The following ARSF variants were observed in gnomAD, a reference collection of about 807,000 sequenced individuals.
ARSF encodes the protein arylsulfatase F.
Under a neutral mutation model 35.4 loss-of-function variants are expected in ARSF, and 33 were observed. The ratio of observed to expected loss-of-function variants is 0.93; its 90% CI spans 0.71 to 1.25. The LOEUF (loss-of-function observed/expected upper bound fraction) is 1.25. Ranked by LOEUF, ARSF falls within the 50% of genes most tolerant of loss-of-function variation. The probability of loss-of-function intolerance (pLI) is 0.00; values close to 1 mark genes in which losing one functional copy is unlikely to be tolerated. For synonymous variants in ARSF, 222 were observed against 193.1 expected, an observed-to-expected ratio of 1.15 and a Z score of -1.24; for missense variants, 501 against 480.2, an observed-to-expected ratio of 1.04 and a Z score of -0.40.
chrX:3,090,441 G>A (rs1452683144), intron 7 of ARSF, among the ~76,000 whole-genome samples: 2 of 111,977 alleles, frequency 1.8e-5, no homozygotes, highest in African/African-American at 6.5e-5. Flanking sequence ...GGCTGAGGCA[G>A]GAGGATCACT....
chrX:3,074,810 G>T (rs1241996175), intron 3 of ARSF, among the ~76,000 whole-genome samples: 2 of 110,762 alleles, frequency 1.8e-5, no homozygotes, highest in Non-Finnish European at 3.8e-5. Flanking sequence ...ATTTATTCAC[G>T]TTTGGCTCCG....
intron 1 of ARSF, among the ~76,000 whole-genome samples, chrX:3,051,957 C>T (rs1448885590): frequency 1.8e-5 from 2 of 110,782 alleles, no homozygotes; most frequent in Non-Finnish European, 3.8e-5. Context: ...TATACCACTG[C>T]ACTCCAGCCT....
At chrX:3,106,567 G>A (rs2090412593) in intron 9 of ARSF, among the ~76,000 whole-genome samples, 1 of 111,754 alleles carries the variant, frequency 8.9e-6, no homozygotes, top group Non-Finnish European at 1.9e-5. Context: ...GAACTCAAAA[G>A]CGGCTCTCAC....
In ARSF at chrX:3,106,103, G is replaced by T. The variant is rs1473245601; in HGVS notation, c.1265+2179G>T. 4.5e-5 allele frequency among the ~76,000 whole-genome samples: 5 copies of T among 112,092 alleles called. No homozygotes were observed. The Admixed American group carries it at 4.7e-4, about 11-fold the overall frequency. On this transcript the variant is annotated intron_variant, in intron 9 of 10. Coordinates refer to ENST00000381127, the MANE Select transcript of ARSF (RefSeq NM_001201539.2). ...TCAGGGGTTTAGGGTTATGAGTTTG[G>T]TGTCCTTGATAAGATGTATAGTACA...
chrX:3,094,018 A>T (rs2090322032), intron 7 of ARSF, among the ~76,000 whole-genome samples: 1 of 111,586 alleles, frequency 9.0e-6, no homozygotes, highest in East Asian at 2.8e-4. Flanking sequence ...AATGACAAAG[A>T]CCTCAATTAC....
At chrX:3,072,261 C>A in intron 3 of ARSF, 86 bp downstream of exon 3, 3 of 986,007 alleles carry the variant, frequency 3.0e-6, no homozygotes, top group African/African-American at 3.9e-5. Flanking sequence ...TGTGCAAAAC[C>A]AAATGTATTT....
At chrX:3,041,299 CT>C (rs35885735), upstream of ARSF, among the ~76,000 whole-genome samples, 26 of 87,403 alleles carry the variant, frequency 3.0e-4, no homozygotes, top group Admixed American at 7.1e-4. Context: ...TTTTCTTTTT[CT>C]TTTTTTTTTT....
chrX:3,049,595 G>A (rs1453761114), intron 1 of ARSF, among the ~76,000 whole-genome samples: 3 of 111,677 alleles, frequency 2.7e-5, no homozygotes, highest in African/African-American at 9.8e-5. Context: ...TTATGAAAGA[G>A]GTATGTAGCT....
At chrX:3,108,898 C>T (rs191248887) in intron 9 of ARSF, among the ~76,000 whole-genome samples, 1 of 110,807 alleles carries the variant, frequency 9.0e-6, no homozygotes, top group Admixed American at 9.6e-5. Context: ...CGCCTGTAAT[C>T]GCAGCTACTC....
At chrX:3,045,030 T>C (rs1429709055) in intron 1 of ARSF, among the ~76,000 whole-genome samples, 1 of 111,320 alleles carries the variant, frequency 9.0e-6, no homozygotes, top group Non-Finnish European at 1.9e-5. Context: ...GTATTTTTGG[T>C]GAGGTTTATA....
chrX:3,056,256 G>A (rs1285054249), intron 1 of ARSF, among the ~76,000 whole-genome samples: 2 of 109,387 alleles, frequency 1.8e-5, no homozygotes, highest in Non-Finnish European at 3.8e-5. Flanking sequence ...CCACTGCGCC[G>A]GGTCGCACCA....
chrX:3,083,628 T>C (rs113128238), intron 5 of ARSF, among the ~76,000 whole-genome samples: 17 of 111,405 alleles, frequency 1.5e-4, no homozygotes, highest in African/African-American at 5.5e-4. Context: ...CTTTCTATCA[T>C]CTCTATTTAT....
intron 7 of ARSF, among the ~76,000 whole-genome samples, chrX:3,093,717 T>G (rs1402080996): frequency 8.9e-6 from 1 of 111,819 alleles, no homozygotes; most frequent in East Asian, 2.8e-4. Context: ...CTGTGTCTAT[T>G]TGGTAGAATG....
chrX:3,074,869 G>A (rs112626241), intron 3 of ARSF, among the ~76,000 whole-genome samples: 3 of 110,516 alleles, frequency 2.7e-5, no homozygotes, highest in Non-Finnish European at 5.7e-5. Context: ...TCACCCCAGC[G>A]CCTGATACCC....
chrX:3,108,228 T>C (rs2146836393), intron 9 of ARSF, among the ~76,000 whole-genome samples: 1 of 112,256 alleles, frequency 8.9e-6, no homozygotes, highest in African/African-American at 3.2e-5. Flanking sequence ...CTGGGAGTTA[T>C]GTAGTGAGTC....
At chrX:3,071,072 A>G (rs1442307560) in intron 2 of ARSF, among the ~76,000 whole-genome samples, 1 of 110,622 alleles carries the variant, frequency 9.0e-6, no homozygotes, top group East Asian at 2.8e-4. Context: ...ATAGATATCA[A>G]GAGTGTCTCG....
At chrX:3,047,230 G>A (rs1046309780) in intron 1 of ARSF, among the ~76,000 whole-genome samples, 1 of 109,665 alleles carries the variant, frequency 9.1e-6, no homozygotes, top group Non-Finnish European at 1.9e-5. Flanking sequence ...CCAGACTGGA[G>A]TGCAGTGGCA....
chrX:3,050,043 G>A (rs1309357936), intron 1 of ARSF, among the ~76,000 whole-genome samples: 6 of 109,695 alleles, frequency 5.5e-5, no homozygotes, highest in Non-Finnish European at 9.5e-5. Context: ...TGTATTTTTA[G>A]TAGAGACGAA....
chrX:3,084,443 C>T lies in ARSF; in HGVS notation c.607C>T (p.Leu203=). The T allele has an allele frequency of 8.3e-7, 1 of 1,211,748 alleles. No homozygotes were observed. Among genetic ancestry groups the T allele is most frequent in the East Asian group, 3.0e-5 (1 of 33,831 alleles). Residue 203 remains leucine, a synonymous_variant, in exon 6 of 11, where the codon CTA becomes TTA. Transcript: ENST00000381127. ...GCTAGTTGCCATTGCCATCCTCACC[C>T]TAACCTTTGGGAAGCTGAGCGGCTG... ...VQLVAIAILT[L]TFGKLSGWVS... is the part of the protein sequence containing the mutation.
Sources: gnomAD v4.1 joint callset for allele counts (sites outside exome capture counted in the v4.1 genomes callset) on GRCh38, gnomAD v4.1.1 for gene constraint, MANE v1.5 for transcripts, NCBI Gene and HGNC (gene_info 2026-07-23, HGNC 2026-07-21) for gene names.